Variants in CACNB2 observed in about 807,000 individuals in gnomAD.
The protein encoded by CACNB2 is calcium voltage-gated channel auxiliary subunit beta 2, also known as voltage-dependent L-type calcium channel subunit beta-2.
A neutral mutation model predicts 73.3 loss-of-function variants in CACNB2; 42 were observed. The ratio of observed to expected loss-of-function variants is 0.57; its 90% CI spans 0.45 to 0.74. The LOEUF (loss-of-function observed/expected upper bound fraction) is 0.74. Among genes scored for constraint, CACNB2 ranks in the 30% least tolerant of loss-of-function variants. The pLI is 0.00. For missense variants in CACNB2, 940 were observed against 853.0 expected (o/e 1.10, Z -1.27); for synonymous variants, 348 against 310.3 (o/e 1.12, Z -1.28).
intron 2 of CACNB2, among the ~76,000 whole-genome samples, chr10:18,220,790 G>C (rs1429845269): frequency 2.6e-5 from 4 of 152,130 alleles, no homozygotes; most frequent in Non-Finnish European, 5.9e-5. Context: ...GATCCAGGTT[G>C]CGCGTTCCTT....
intron 2 of CACNB2, among the ~76,000 whole-genome samples, chr10:18,187,825 C>G (rs2034220855): frequency 6.6e-6 from 1 of 152,122 alleles, no homozygotes; most frequent in African/African-American, 2.4e-5. Context: ...CCGAACGATG[C>G]TCTTGTGAAG....
intron 6 of CACNB2, among the ~76,000 whole-genome samples, chr10:18,508,698 T>C (rs2050615491): frequency 6.6e-6 from 1 of 152,162 alleles, no homozygotes; most frequent in African/African-American, 2.4e-5. Context: ...CCATCATAAA[T>C]AGAAAATATG....
At chr10:18,172,553 A>G (rs2131160019) in intron 2 of CACNB2, among the ~76,000 whole-genome samples, 1 of 152,178 alleles carries the variant, frequency 6.6e-6, no homozygotes, top group Non-Finnish European at 1.5e-5. Flanking sequence ...AGATGTTCAG[A>G]GTTGAAGGTG....
chr10:18,248,073 A>T (rs979290474), intron 2 of CACNB2, among the ~76,000 whole-genome samples: 1 of 152,222 alleles, frequency 6.6e-6, no homozygotes, highest in Non-Finnish European at 1.5e-5. Context: ...AGGTTGCAAC[A>T]TATGAATTTT....
chr10:18,315,855 C>T (rs551793635), intron 2 of CACNB2, among the ~76,000 whole-genome samples: 19 of 152,290 alleles, frequency 1.2e-4, no homozygotes, highest in Admixed American at 8.5e-4. Context: ...GCTACAACAT[C>T]GCCTCACTGA....
chr10:18,343,626 C>T (rs959087086), intron 2 of CACNB2, among the ~76,000 whole-genome samples: 1 of 152,126 alleles, frequency 6.6e-6, no homozygotes, highest in African/African-American at 2.4e-5. Context: ...ATATTTTCTG[C>T]AATAGCTAGG....
chr10:18,259,485 A>G (rs1231632718), intron 2 of CACNB2, among the ~76,000 whole-genome samples: 2 of 149,790 alleles, frequency 1.3e-5, no homozygotes, highest in African/African-American at 2.5e-5. Flanking sequence ...TTGGCAGATC[A>G]CTTGAGTCCA....
chr10:18,437,345 A>T (rs2046187573), intron 3 of CACNB2, among the ~76,000 whole-genome samples: 1 of 148,454 alleles, frequency 6.7e-6, no homozygotes, highest in Admixed American at 6.7e-5. Context: ...ATGAGAGGTT[A>T]TGGGCATGGA....
intron 2 of CACNB2, among the ~76,000 whole-genome samples, chr10:18,335,316 T>C (rs1278765495): frequency 6.6e-6 from 1 of 152,194 alleles, no homozygotes; most frequent in Non-Finnish European, 1.5e-5. Context: ...GGCTCACACC[T>C]GTAATCCCAG....
At chr10:18,380,186 C>T (rs771152639) in intron 2 of CACNB2, among the ~76,000 whole-genome samples, 2 of 152,108 alleles carry the variant, frequency 1.3e-5, no homozygotes, top group Non-Finnish European at 2.9e-5. Flanking sequence ...AAGGTCATAT[C>T]TCAAGAATGA....
At chr10:18,384,392 C>T (rs547940127) in intron 2 of CACNB2, among the ~76,000 whole-genome samples, 3 of 152,002 alleles carry the variant, frequency 2.0e-5, no homozygotes, top group Non-Finnish European at 4.4e-5. Context: ...TAGAAAATGA[C>T]CTGGAAATTT....
intron 3 of CACNB2, among the ~76,000 whole-genome samples, chr10:18,413,407 T>C (rs1050483015): frequency 6.6e-6 from 1 of 152,238 alleles, no homozygotes; most frequent in Non-Finnish European, 1.5e-5. Flanking sequence ...CCGTCACTTA[T>C]AGTTAGTGTC....
At chr10:18,464,012 C>G (rs2047728162) in intron 3 of CACNB2, among the ~76,000 whole-genome samples, 1 of 152,088 alleles carries the variant, frequency 6.6e-6, no homozygotes, top group African/African-American at 2.4e-5. Flanking sequence ...CACTAACAAC[C>G]TCTGTGCTGT....
At chr10:18,173,327 A>C (rs1447045661) in intron 2 of CACNB2, among the ~76,000 whole-genome samples, 1 of 152,236 alleles carries the variant, frequency 6.6e-6, no homozygotes, top group Non-Finnish European at 1.5e-5. Flanking sequence ...CTTACAACCA[A>C]AATGTCTTAA....
chr10:18,216,716 C>T (rs1436656308), intron 2 of CACNB2, among the ~76,000 whole-genome samples: 1 of 152,200 alleles, frequency 6.6e-6, no homozygotes, highest in African/African-American at 2.4e-5. Flanking sequence ...CCCATTCTCT[C>T]ATAACCCCTC....
rs11312255 is a variant in CACNB2 at position 18,160,302 on chromosome 10, GA to G, written c.213+9328del. Among the ~76,000 whole-genome samples, 405 of 151,344 alleles carry G rather than the reference GA, an allele frequency of 2.7e-3. 4 individuals carry two copies. Among genetic ancestry groups the G allele is most frequent in the African/African-American group, 9.2e-3 (381 of 41,484 alleles). The stretch of plus-strand genomic sequence containing the variant: ...TTATTAAAATAATTTTGTGGATTGA[GA>G]TTTTTTTATGTTTGCGTATATACTT... On this transcript the variant is annotated intron_variant, in intron 2 of 13. Coordinates refer to ENST00000324631, the MANE Select transcript of CACNB2 (RefSeq NM_201596.3).
At chr10:18,525,996 G>A (rs2052433926) in intron 9 of CACNB2, among the ~76,000 whole-genome samples, 1 of 151,972 alleles carries the variant, frequency 6.6e-6, no homozygotes, top group South Asian at 2.1e-4. Context: ...TTTTCTGTTT[G>A]TTTTGCTCTC....
intron 9 of CACNB2, among the ~76,000 whole-genome samples, chr10:18,523,841 T>A (rs998281105): frequency 6.6e-6 from 1 of 152,246 alleles, no homozygotes; most frequent in Non-Finnish European, 1.5e-5. Flanking sequence ...GTTTATTTTT[T>A]AAAAACGTTT....
chr10:18,231,176 T>TTTC (rs923177230), intron 2 of CACNB2, among the ~76,000 whole-genome samples: 3 of 152,138 alleles, frequency 2.0e-5, no homozygotes, highest in Admixed American at 2.0e-4. Context: ...TCAACTCTTT[T>TTTC]TTCTTCTTCT....
Sources: gnomAD v4.1 joint callset for allele counts (sites outside exome capture counted in the v4.1 genomes callset) on GRCh38, gnomAD v4.1.1 for gene constraint, MANE v1.5 for transcripts, NCBI Gene and HGNC (gene_info 2026-07-23, HGNC 2026-07-21) for gene names.